PALD1: variants seen among roughly 807,000 people sequenced by gnomAD.
PALD1 encodes phosphatase domain containing paladin 1.
PALD1 carries 57 observed loss-of-function variants against 96.0 expected under a neutral mutation model. That is an observed-to-expected ratio of 0.59 (90% CI 0.48 to 0.74). The LOEUF is 0.74. Among genes scored for constraint, PALD1 ranks in the 30% least tolerant of loss-of-function variants. PALD1 has a pLI of 0.00. For missense variants in PALD1, 1,063 were observed against 1,143.7 expected (o/e 0.93, Z 1.02); for synonymous variants, 464 against 473.6 (o/e 0.98, Z 0.26).
the PALD1 span, among the ~76,000 whole-genome samples, chr10:70,460,666 TG>T: frequency 6.6e-6 from 1 of 152,178 alleles, no homozygotes; most frequent in African/African-American, 2.4e-5. Context: ...GCCTCCACCC[TG>T]GCCCCCCAGA....
At chr10:70,529,207 T>TTGGGG in intron 2 of PALD1, 22 bp from the exon 3 acceptor site, 3 of 391,772 alleles carry the variant, frequency 7.7e-6, no homozygotes, top group Non-Finnish European at 9.2e-6. Context: ...GTTTCCATTC[T>TTGGGG]GCCCCCCCCC....
Position 70,539,666 on chromosome 10 carries a change from T to C in PALD1, c.1812T>C (p.Leu604=), listed in dbSNP as rs1734994219. 6.2e-7 allele frequency: 1 copy of C among 1,613,260 alleles called. No individual in the cohort carries two copies. Among genetic ancestry groups the C allele is most frequent in the South Asian group, 1.1e-5 (1 of 91,062 alleles). ...GPLTYRFQTC[L]TMQEVFSQHR... is the part of the protein sequence containing the mutation. ...TGACCTACAGGTTCCAGACCTGCCT[T>C]ACCATGCAGGAGGTCTTCAGCCAGC... The change falls in exon 15 of 20, where the codon CTT becomes CTC. Residue 604 remains leucine (L), a synonymous_variant. Transcript: ENST00000263563. This position sits in a 1 kb window ranked among gnomAD's most constrained non-coding sequence, Gnocchi z 4.5.
chr10:70,514,312 G>C (rs968473825), intron 1 of PALD1, among the ~76,000 whole-genome samples: 1 of 152,210 alleles, frequency 6.6e-6, no homozygotes, highest in Non-Finnish European at 1.5e-5. Context: ...AGCCCCGCCT[G>C]CAGAGCAAAG....
At chr10:70,498,497 A>G (rs1374418633) in intron 1 of PALD1, among the ~76,000 whole-genome samples, 1 of 151,612 alleles carries the variant, frequency 6.6e-6, no homozygotes, top group Non-Finnish European at 1.5e-5. Flanking sequence ...CCAGGCTGGT[A>G]TCAAACTCCT....
Position 70,539,728 on chromosome 10 carries a change from T to C in PALD1, c.1874T>C (p.Ile625Thr). 1 of 1,612,090 alleles carries C rather than the reference T, an allele frequency of 6.2e-7. No individual in the cohort carries two copies. Among genetic ancestry groups the C allele is most frequent in the Non-Finnish European group, 8.5e-7 (1 of 1,179,290 alleles). ...TGTCCTGGCCTCACCTACCACCGCATCCCCATGCCGGACTTCTGTGCCCCC... is the reference window on the plus strand; with the variant it reads ...TGTCCTGGCCTCACCTACCACCGCACCCCCATGCCGGACTTCTGTGCCCCC... ...RACPGLTYHR[I>T]PMPDFCAPRE... Residue 625 changes from isoleucine (I) to threonine (T), a missense_variant, in exon 15 of 20, where the codon ATC becomes ACC. Physicochemically the swap from Ile to Thr is moderately conservative, Grantham distance 89 (BLOSUM62 -1). Coordinates refer to ENST00000263563, the MANE Select transcript of PALD1 (RefSeq NM_014431.3). This position sits in a 1 kb window ranked among gnomAD's most constrained non-coding sequence, Gnocchi z 4.5.
chr10:70,552,580 T>C (rs954496819), intron 18 of PALD1, among the ~76,000 whole-genome samples: 2 of 152,050 alleles, frequency 1.3e-5, no homozygotes, highest in African/African-American at 4.8e-5. Flanking sequence ...GCCAGTCTTA[T>C]TTTATCTCAA....
upstream of PALD1, among the ~76,000 whole-genome samples, chr10:70,475,360 G>A (rs1247504285): frequency 1.3e-5 from 2 of 152,164 alleles, no homozygotes; most frequent in African/African-American, 2.4e-5. Flanking sequence ...TTGGGATTCA[G>A]GCGTCACGGA....
At chr10:70,534,912 T>G in intron 10 of PALD1, 69 bp downstream of exon 10, 2 of 1,040,002 alleles carry the variant, frequency 1.9e-6, no homozygotes, top group Non-Finnish European at 3.0e-6. Context: ...TCATTAGGCA[T>G]GTTGACTGGT....
At chr10:70,538,528 C>A in intron 12 of PALD1, 120 bp downstream of exon 12, 1 of 1,074,960 alleles carries the variant, frequency 9.3e-7, no homozygotes, top group Non-Finnish European at 1.3e-6. Context: ...AGAAGAGAGG[C>A]TGTGGGTGTT....
In PALD1 at chr10:70,567,068, C is replaced by T. The variant is rs781162777; in HGVS notation, c.*335C>T. The T allele has an allele frequency of 1.2e-4, 32 of 260,740 alleles. No homozygotes were observed. The East Asian group carries it at 2.6e-3, about 22-fold the overall frequency. 16.2% of individuals were successfully genotyped at this position (260,740 alleles called of 1,614,324 possible). A position where few individuals can be genotyped will look rare whatever the true frequency, so the allele number is the denominator to read the frequency against. Reference sequence around the variant, plus strand: ...GGCTCACTCCCCCAGTTGCCAAACACTGTGGATCTCTCTGTCCTCTTCTCC... The same window carrying T: ...GGCTCACTCCCCCAGTTGCCAAACATTGTGGATCTCTCTGTCCTCTTCTCC... On this transcript the variant is annotated 3_prime_UTR_variant, in exon 20 of 20. Coordinates refer to ENST00000263563, the MANE Select transcript of PALD1 (RefSeq NM_014431.3).
intron 1 of PALD1, among the ~76,000 whole-genome samples, chr10:70,494,850 T>C (rs1269248901): frequency 6.6e-6 from 1 of 152,244 alleles, no homozygotes; most frequent in Non-Finnish European, 1.5e-5. Context: ...TGGTAACGTG[T>C]TGAACTAGGC....
In PALD1 at chr10:70,508,784, CGTGTGT is replaced by C. The variant is rs111850326; in HGVS notation, c.-29-17109_-29-17104del. Reference sequence around the variant, plus strand: ...CAGGGTGGGTTTCGACTCTGTATGGCGTGTGTGTGTGTGTGTGTGTGTGTGTGTGTG... The same window carrying C: ...CAGGGTGGGTTTCGACTCTGTATGGCGTGTGTGTGTGTGTGTGTGTGTGTG... On this transcript the variant is annotated intron_variant, in intron 1 of 19. Coordinates refer to ENST00000263563, the MANE Select transcript of PALD1 (RefSeq NM_014431.3). Among the ~76,000 whole-genome samples, 388 of 100,052 alleles carry C rather than the reference CGTGTGT, an allele frequency of 3.9e-3. 7 individuals are homozygous for C. Among genetic ancestry groups the C allele is most frequent in the South Asian group, 0.026 (63 of 2,448 alleles). The allele number at this position is 100,052 out of a possible 152,430, so 65.6% of individuals were successfully genotyped here. A position where few individuals can be genotyped will look rare whatever the true frequency, so the allele number is the denominator to read the frequency against.
chr10:70,554,079 G>A (rs1847540786), intron 18 of PALD1, among the ~76,000 whole-genome samples: 1 of 152,214 alleles, frequency 6.6e-6, no homozygotes, highest in African/African-American at 2.4e-5. Flanking sequence ...GCAAGGTTGA[G>A]TCAAGGCTTG....
chr10:70,513,194 C>T (rs545663645), intron 1 of PALD1, among the ~76,000 whole-genome samples: 1 of 152,128 alleles, frequency 6.6e-6, no homozygotes, highest in Non-Finnish European at 1.5e-5. Context: ...TTTAAACCTA[C>T]AGACAAATTG....
intron 18 of PALD1, among the ~76,000 whole-genome samples, chr10:70,558,923 C>T (rs1847673720): frequency 2.0e-5 from 3 of 152,022 alleles, no homozygotes; most frequent in Admixed American, 2.0e-4. Flanking sequence ...TTGTGCAGTA[C>T]TGATAATGCC....
chr10:70,472,668 C>T, the PALD1 span, among the ~76,000 whole-genome samples: 2 of 152,124 alleles, frequency 1.3e-5, no homozygotes, highest in East Asian at 3.9e-4. Context: ...CCCCCTCCCA[C>T]CCCTTGTCTT....
Position 70,540,899 on chromosome 10 carries a change from T to G in PALD1, c.1909-203T>G, listed in dbSNP as rs1261542934. 6.6e-6 allele frequency among the ~76,000 whole-genome samples: 1 copy of G among 152,080 alleles called. No individual in the cohort carries two copies. The highest frequency in any genetic ancestry group is 1.5e-5 in the Non-Finnish European group (1 of 68,004). ...CCTGTCCAGGTGCTTGGTGTGAGGG[T>G]GATTACGACTGCACAGGTGCAGCTG... On this transcript the variant is annotated intron_variant, in intron 15 of 19. Coordinates refer to ENST00000263563, the MANE Select transcript of PALD1 (RefSeq NM_014431.3). This position sits in a 1 kb window ranked among gnomAD's most constrained non-coding sequence, Gnocchi z 4.2.
intron 10 of PALD1, 118 bp downstream of exon 10, chr10:70,534,961 A>G: frequency 1.4e-6 from 1 of 712,204 alleles, no homozygotes; most frequent in East Asian, 2.7e-5. Flanking sequence ...TGCGTCTCCC[A>G]TGAGAAGAGC....
chr10:70,555,953 A>G (rs906538774), intron 18 of PALD1, among the ~76,000 whole-genome samples: 1 of 152,130 alleles, frequency 6.6e-6, no homozygotes, highest in African/African-American at 2.4e-5. Context: ...GTGAGCTGAG[A>G]TCGCACCACT....
Sources: gnomAD v4.1 joint callset for allele counts (sites outside exome capture counted in the v4.1 genomes callset) on GRCh38, gnomAD v4.1.1 for gene constraint, Gnocchi (gnomAD v3.1) non-coding constraint, MANE v1.5 for transcripts, NCBI Gene and HGNC (gene_info 2026-07-23, HGNC 2026-07-21) for gene names.